HOMEZ: variants seen among roughly 807,000 people sequenced by gnomAD.
HOMEZ encodes homeobox and leucine zipper protein Homez.
Under a neutral mutation model 50.1 loss-of-function variants are expected in HOMEZ, and 20 were observed. The observed-to-expected ratio is 0.40, with a 90% CI of 0.28 to 0.58. HOMEZ has a LOEUF of 0.58. HOMEZ is among the 20% of genes least tolerant of loss of function. The probability of loss-of-function intolerance (pLI) is 0.46; values close to 1 mark genes in which losing one functional copy is unlikely to be tolerated. For synonymous variants in HOMEZ, 239 were observed against 254.7 expected (o/e 0.94, Z 0.59); for missense variants, 579 against 680.5 (o/e 0.85, Z 1.66).
Position 23,275,277 on chromosome 14 carries a change from C to T in HOMEZ, c.*298G>A. The T allele has an allele frequency of 2.6e-6, 1 of 389,278 alleles. No homozygotes were observed. Among genetic ancestry groups the T allele is most frequent in the Non-Finnish European group, 4.6e-6 (1 of 218,192 alleles). The allele number at this position is 389,278 out of a possible 1,614,324, so 24.1% of individuals were successfully genotyped here. A position where few individuals can be genotyped will look rare whatever the true frequency, so the allele number is the denominator to read the frequency against. On this transcript the variant is annotated 3_prime_UTR_variant, in exon 2 of 2. Coordinates refer to ENST00000357460, the MANE Select transcript of HOMEZ (RefSeq NM_020834.3). ...ATAGTACACCAAGGGAAAAAAACAG[C>T]AGACACGAGGAGAGCAAGAGCAGCT... is the stretch of plus-strand genomic sequence containing the variant.
chr14:23,277,608 T>C (rs539920494), intron 1 of HOMEZ, among the ~76,000 whole-genome samples: 100 of 152,180 alleles, frequency 6.6e-4, no homozygotes, highest in African/African-American at 2.3e-3. Context: ...CAGCTGGGCA[T>C]GGTGGTTCGT....
At position 23,286,027 on chromosome 14, in the gene HOMEZ, C is replaced by G; in HGVS notation, c.-75G>C. 8.1e-7 allele frequency: 1 copy of G among 1,232,898 alleles called. No homozygotes were observed. The highest frequency in any genetic ancestry group is 1.0e-6 in the Non-Finnish European group (1 of 987,316). 76.4% of individuals were successfully genotyped at this position (1,232,898 alleles called of 1,614,324 possible). A position where few individuals can be genotyped will look rare whatever the true frequency, so the allele number is the denominator to read the frequency against. On this transcript the variant is annotated 5_prime_UTR_variant, in exon 1 of 2. Coordinates refer to ENST00000357460, the MANE Select transcript of HOMEZ (RefSeq NM_020834.3). ...GGGTTGCTGCCCGGTGCGGCCGCTC[C>G]GAGCCCACCCCAGCGATGGCCGAAA... is the stretch of plus-strand genomic sequence containing the variant.
At chr14:23,280,709 A>ATTTT (rs1031806493) in intron 1 of HOMEZ, among the ~76,000 whole-genome samples, 1 of 49,800 alleles carries the variant, frequency 2.0e-5, no homozygotes, top group Admixed American at 2.3e-4. Flanking sequence ...TTATATTTTT[A>ATTTT]TTTTTATTTT....
At position 23,273,308 on chromosome 14, in the gene HOMEZ, ATC is replaced by A. The variant is rs1886246727; in HGVS notation, c.*2265_*2266del. On this transcript the variant is annotated 3_prime_UTR_variant, in exon 2 of 2. Coordinates refer to ENST00000357460, the MANE Select transcript of HOMEZ (RefSeq NM_020834.3). ...CCCATTGCCAATGTTAACGAGCAAT[ATC>A]TCTGTTCTTTTCCTTATTATACTTT... is the stretch of plus-strand genomic sequence containing the variant. 1.3e-5 allele frequency: 2 copies of A among 154,520 alleles called. No individual in the cohort carries two copies. The highest frequency in any genetic ancestry group is 6.4e-5 in the Admixed American group (1 of 15,538). The allele number at this position is 154,520 out of a possible 1,614,324, so 9.6% of individuals were successfully genotyped here.
chr14:23,274,049 G>T lies in HOMEZ; in HGVS notation c.*1526C>A, dbSNP rs1886279461. On this transcript the variant is annotated 3_prime_UTR_variant, in exon 2 of 2. Coordinates refer to ENST00000357460, the MANE Select transcript of HOMEZ (RefSeq NM_020834.3). Reference sequence around the variant, plus strand: ...TAGGAGTGGCAAAGTGGTTGAGAGAGAAACAATTTTATTTTTGGCCTTTTT... The same window carrying T: ...TAGGAGTGGCAAAGTGGTTGAGAGATAAACAATTTTATTTTTGGCCTTTTT... 1 of 152,638 alleles carries T rather than the reference G, an allele frequency of 6.6e-6. No individual in the cohort carries two copies. The highest frequency in any genetic ancestry group is 1.5e-5 in the Non-Finnish European group (1 of 68,038). The allele number at this position is 152,638 out of a possible 1,614,324, so 9.5% of individuals were successfully genotyped here.
Position 23,280,710 on chromosome 14 carries a change from TTTTTATTTTATTTTATTTTATTTTA to T in HOMEZ, c.41-3548_41-3524del, listed in dbSNP as rs1310956438. Among the ~76,000 whole-genome samples the T allele has an allele frequency of 1.3e-4, 8 of 62,100 alleles. No individual in the cohort carries two copies. In the East Asian group the frequency reaches 1.4e-3, roughly 11 times the overall value. The allele number at this position is 62,100 out of a possible 152,430, so 40.7% of individuals were successfully genotyped here. A position where few individuals can be genotyped will look rare whatever the true frequency, so the allele number is the denominator to read the frequency against. Reference sequence around the variant, plus strand: ...TTTTATTTTTATTTTTATATTTTTATTTTTATTTTATTTTATTTTATTTTATTTTATTATTTTATTTTATTTTATT... The same window carrying T: ...TTTTATTTTTATTTTTATATTTTTATTTTTATTATTTTATTTTATTTTATT... On this transcript the variant is annotated intron_variant, in intron 1 of 1. Coordinates refer to ENST00000357460, the MANE Select transcript of HOMEZ (RefSeq NM_020834.3).
chr14:23,275,930 G>A lies in HOMEZ; in HGVS notation c.1298C>T (p.Pro433Leu), dbSNP rs1429590388. 2 of 1,608,292 alleles carry A rather than the reference G, an allele frequency of 1.2e-6. No individual in the cohort carries two copies. The highest frequency in any genetic ancestry group is 1.7e-4 in the Middle Eastern group (1 of 6,048). The change falls in exon 2 of 2, where the codon CCA becomes CTA. Residue 433 changes from proline to leucine, a missense_variant. Transcript: ENST00000357460. ...AVPGAPSFQD[P>L]AIPTPPPSTR... ...TGATGGTGGTGGTGTAGGAATTGCT[G>A]GGTCTTGGAAACTAGGGGCACCAGG...
At chr14:23,284,372 C>T (rs1886617918) in intron 1 of HOMEZ, among the ~76,000 whole-genome samples, 1 of 152,072 alleles carries the variant, frequency 6.6e-6, no homozygotes, top group Admixed American at 6.6e-5. Flanking sequence ...GAGGGATGCT[C>T]AACTGGGCCA....
chr14:23,282,013 A>G (rs966918722), intron 1 of HOMEZ, among the ~76,000 whole-genome samples: 8 of 152,074 alleles, frequency 5.3e-5, no homozygotes, highest in Non-Finnish European at 1.2e-4. Context: ...AAAGCAAAAA[A>G]GCACCTACCC....
chr14:23,279,100 C>T (rs1177237543), intron 1 of HOMEZ, among the ~76,000 whole-genome samples: 1 of 152,178 alleles, frequency 6.6e-6, no homozygotes, highest in Non-Finnish European at 1.5e-5. Context: ...TCTCCTGCCT[C>T]AGCCTCCTGA....
chr14:23,280,682 A>G (rs531349819), intron 1 of HOMEZ, among the ~76,000 whole-genome samples: 1 of 132,146 alleles, frequency 7.6e-6, no homozygotes, highest in Non-Finnish European at 1.7e-5. Flanking sequence ...CACATCTGTT[A>G]TATTTTATTT....
Position 23,275,589 on chromosome 14 carries a change from T to C in HOMEZ, c.1639A>G (p.Ile547Val), listed in dbSNP as rs981971001. The change falls in exon 2 of 2, where the codon ATC becomes GTC. Residue 547 changes from isoleucine to valine, a missense_variant. Physicochemically the swap from Ile to Val is conservative, Grantham distance 29. Transcript: ENST00000357460. ...CAGCTCCCCACTCAGTCTTGTATGA[T>C]CACATCATCATCATCATCATCATCA... The part of the protein sequence containing the change: ...EDDDDDDDDV[I>V]IQD The C allele has an allele frequency of 1.3e-6, 2 of 1,531,098 alleles. No individual in the cohort carries two copies. Among genetic ancestry groups the C allele is most frequent in the African/African-American group, 3.1e-5 (2 of 65,074 alleles). 94.8% of individuals were successfully genotyped at this position (1,531,098 alleles called of 1,614,324 possible). A position where few individuals can be genotyped will look rare whatever the true frequency, so the allele number is the denominator to read the frequency against.
intron 1 of HOMEZ, among the ~76,000 whole-genome samples, chr14:23,284,734 G>C (rs993469614): frequency 5.3e-5 from 8 of 152,180 alleles, no homozygotes; most frequent in African/African-American, 1.4e-4. Context: ...GTTGAGTTGG[G>C]AGTGAGCAAG....
chr14:23,280,002 T>C (rs1886456065), intron 1 of HOMEZ, among the ~76,000 whole-genome samples: 1 of 152,114 alleles, frequency 6.6e-6, no homozygotes, highest in African/African-American at 2.4e-5. Context: ...GATCAACAGA[T>C]TGGGAATACA....
rs1268590273 is a variant in HOMEZ, at chr14:23,280,725, ATT to A, written c.41-3540_41-3539del. Among the ~76,000 whole-genome samples the A allele has an allele frequency of 9.2e-3, 629 of 68,560 alleles. 17 individuals carry two copies. Among genetic ancestry groups the A allele is most frequent in the African/African-American group, 0.033 (595 of 17,918 alleles). 45.0% of individuals were successfully genotyped at this position (68,560 alleles called of 152,430 possible). On this transcript the variant is annotated intron_variant, in intron 1 of 1. Coordinates refer to ENST00000357460, the MANE Select transcript of HOMEZ (RefSeq NM_020834.3). ...TATATTTTTATTTTTATTTTATTTT[ATT>A]TTATTTTATTTTATTATTTTATTTT...
Position 23,275,554 on chromosome 14 carries a change from T to A in HOMEZ, c.*21A>T. 6.5e-7 allele frequency: 1 copy of A among 1,527,882 alleles called. No homozygotes were observed. Among genetic ancestry groups the A allele is most frequent in the South Asian group, 1.3e-5 (1 of 79,722 alleles). The allele number at this position is 1,527,882 out of a possible 1,614,324, so 94.6% of individuals were successfully genotyped here. A position where few individuals can be genotyped will look rare whatever the true frequency, so the allele number is the denominator to read the frequency against. On this transcript the variant is annotated 3_prime_UTR_variant, in exon 2 of 2. Transcript: ENST00000357460. Reference sequence around the variant, plus strand: ...TTGGTTCATCTTTCAGTAACAGACCTCCCCTCCCCCAGCTCCCCACTCAGT... The same window carrying A: ...TTGGTTCATCTTTCAGTAACAGACCACCCCTCCCCCAGCTCCCCACTCAGT...
At chr14:23,280,742 T>TTCATTTC (rs1555323619) in intron 1 of HOMEZ, among the ~76,000 whole-genome samples, 5 of 74,266 alleles carry the variant, frequency 6.7e-5, no homozygotes, top group Non-Finnish European at 1.4e-4. Context: ...TTTATTTTAT[T>TTCATTTC]ATTTTATTTT....
intron 1 of HOMEZ, among the ~76,000 whole-genome samples, chr14:23,282,454 T>C (rs932210398): frequency 1.2e-4 from 19 of 152,016 alleles, no homozygotes; most frequent in Admixed American, 1.2e-3. Flanking sequence ...ACAGCTGAAA[T>C]GGCCTGGGAG....
chr14:23,272,555 A>G lies in HOMEZ; in HGVS notation c.*3020T>C. ...AGTCATCTCTGGGTGTGGTAGTCAT[A>G]TGTCCCAGATTTTCCAAAATAGTTT... On this transcript the variant is annotated 3_prime_UTR_variant, in exon 2 of 2. Transcript: ENST00000357460. The G allele has an allele frequency of 2.2e-6, 1 of 446,118 alleles. No homozygotes were observed. The highest frequency in any genetic ancestry group is 4.0e-6 in the Non-Finnish European group (1 of 247,256). 27.6% of individuals were successfully genotyped at this position (446,118 alleles called of 1,614,324 possible).
Sources: gnomAD v4.1 joint callset for allele counts (sites outside exome capture counted in the v4.1 genomes callset) on GRCh38, gnomAD v4.1.1 for gene constraint, MANE v1.5 for transcripts, NCBI Gene and HGNC (gene_info 2026-07-23, HGNC 2026-07-21) for gene names.